NIF3L1: variants seen among roughly 807,000 people sequenced by gnomAD.
NIF3L1 encodes NIF3-like protein 1.
NIF3L1 carries 26 observed loss-of-function variants against 35.0 expected under a neutral mutation model. The ratio of observed to expected loss-of-function variants is 0.74; its 90% CI spans 0.54 to 1.03. The LOEUF (loss-of-function observed/expected upper bound fraction) is 1.03. Among genes scored for constraint, NIF3L1 ranks in the 50% least tolerant of loss-of-function variants. NIF3L1 has a pLI of 0.00. For synonymous variants in NIF3L1, 157 were observed against 178.9 expected (o/e 0.88, Z 0.98); for missense variants, 449 against 466.3 (o/e 0.96, Z 0.34).
intron 6 of NIF3L1, among the ~76,000 whole-genome samples, chr2:200,900,018 C>G (rs1445125409): frequency 6.6e-6 from 1 of 152,186 alleles, no homozygotes; most frequent in East Asian, 1.9e-4. Context: ...GGAGCCTGAA[C>G]ATTGCATCCC....
At position 200,892,029 on chromosome 2, in the gene NIF3L1, A is replaced by C. The variant is rs377403448; in HGVS notation, c.86A>C (p.Asp29Ala). 6.2e-7 allele frequency: 1 copy of C among 1,613,932 alleles called. No individual in the cohort carries two copies. The highest frequency in any genetic ancestry group is 1.3e-5 in the African/African-American group (1 of 74,998). Residue 29 changes from aspartate (D) to alanine (A), a missense_variant, in exon 2 of 7, where the codon GAT (aspartate) becomes GCT (alanine). Coordinates refer to ENST00000409020, the MANE Select transcript of NIF3L1 (RefSeq NM_001369441.2). Reference sequence around the variant, plus strand: ...TGCAATTCTTCCCGTTCCTTCATGGATTTGAAGGCTCTCCTTTCTTCCTTG... The same window carrying C: ...TGCAATTCTTCCCGTTCCTTCATGGCTTTGAAGGCTCTCCTTTCTTCCTTG... The part of the protein sequence containing the change: ...LICNSSRSFM[D>A]LKALLSSLND...
chr2:200,893,732 A>G (rs1162773021), intron 3 of NIF3L1, among the ~76,000 whole-genome samples: 1 of 152,200 alleles, frequency 6.6e-6, no homozygotes, highest in African/African-American at 2.4e-5. Flanking sequence ...ATGTGGTGAT[A>G]AGGCTTTTAT....
At chr2:200,901,336 T>C (rs890868628) in intron 6 of NIF3L1, among the ~76,000 whole-genome samples, 2 of 152,228 alleles carry the variant, frequency 1.3e-5, no homozygotes, top group East Asian at 3.8e-4. Flanking sequence ...ATAGGCTCTT[T>C]GTTTTGTGCT....
chr2:200,893,131 G>A (rs1263037297), intron 2 of NIF3L1, 115 bp from the exon 3 acceptor site: 1 of 730,038 alleles, frequency 1.4e-6, no homozygotes, highest in Non-Finnish European at 2.2e-6. Flanking sequence ...ATGTAAGCAT[G>A]AGAATGAATC....
intron 5 of NIF3L1, chr2:200,899,156 C>T (rs1047201139): frequency 5.8e-6 from 2 of 345,918 alleles, no homozygotes; most frequent in Non-Finnish European, 1.0e-5. Flanking sequence ...AAAAAAAACA[C>T]AACAAAGGAA....
At chr2:200,901,103 G>A (rs562458416) in intron 6 of NIF3L1, among the ~76,000 whole-genome samples, 11 of 152,196 alleles carry the variant, frequency 7.2e-5, no homozygotes, top group Admixed American at 6.5e-4. Context: ...GACATTCTAA[G>A]TCCATGGAAC....
chr2:200,895,539 G>A (rs1330168525), intron 4 of NIF3L1, 149 bp downstream of exon 4: 7 of 769,348 alleles, frequency 9.1e-6, no homozygotes, highest in East Asian at 2.7e-5. Flanking sequence ...TATTTGATGT[G>A]TACAATTTGA....
At chr2:200,899,104 G>A (rs1314861037) in intron 5 of NIF3L1, 1 of 302,512 alleles carries the variant, frequency 3.3e-6, no homozygotes, top group East Asian at 6.3e-5. Flanking sequence ...GCAAATTTGT[G>A]CATTGTTCCG....
At chr2:200,896,309 C>A (rs2040312922) in intron 4 of NIF3L1, among the ~76,000 whole-genome samples, 1 of 152,190 alleles carries the variant, frequency 6.6e-6, no homozygotes, top group African/African-American at 2.4e-5. Flanking sequence ...GATCTGCCCC[C>A]ATAGTGTGTT....
chr2:200,890,242 C>G (rs2040145966), intron 1 of NIF3L1, among the ~76,000 whole-genome samples: 1 of 152,106 alleles, frequency 6.6e-6, no homozygotes, highest in Non-Finnish European at 1.5e-5. Context: ...CCTGTAGTCC[C>G]AGCTGCTCAG....
At chr2:200,899,164 G>T in intron 5 of NIF3L1, 1 of 393,462 alleles carries the variant, frequency 2.5e-6, no homozygotes, top group East Asian at 3.9e-5. Flanking sequence ...CACAACAAAG[G>T]AATAATAACC....
At chr2:200,895,990 T>TC (rs2040303210) in intron 4 of NIF3L1, among the ~76,000 whole-genome samples, 1 of 151,744 alleles carries the variant, frequency 6.6e-6, no homozygotes, top group African/African-American at 2.4e-5. Context: ...TTTTTTTTTT[T>TC]CCATATTTCA....
intron 6 of NIF3L1, among the ~76,000 whole-genome samples, chr2:200,899,695 C>T (rs895707899): frequency 6.6e-6 from 1 of 152,122 alleles, no homozygotes; most frequent in Non-Finnish European, 1.5e-5. Flanking sequence ...ATTTATTTTA[C>T]CTACATTCTT....
intron 3 of NIF3L1, among the ~76,000 whole-genome samples, chr2:200,894,572 T>G (rs949134839): frequency 8.6e-5 from 13 of 151,488 alleles, no homozygotes; most frequent in African/African-American, 3.1e-4. Context: ...GCCCGGCTAA[T>G]TTTTTTTGTA....
intron 6 of NIF3L1, among the ~76,000 whole-genome samples, chr2:200,901,581 C>T (rs935841930): frequency 6.6e-6 from 1 of 152,144 alleles, no homozygotes; most frequent in South Asian, 2.1e-4. Flanking sequence ...TGTGAAGCCC[C>T]ACCTAAAGGA....
chr2:200,899,721 A>T (rs1019867784), intron 6 of NIF3L1, among the ~76,000 whole-genome samples: 12 of 152,110 alleles, frequency 7.9e-5, no homozygotes, highest in African/African-American at 2.9e-4. Flanking sequence ...ACTGTCCCAA[A>T]CCTCTCAGAT....
At chr2:200,892,467 G>T in intron 2 of NIF3L1, 88 bp downstream of exon 2, 1 of 943,134 alleles carries the variant, frequency 1.1e-6, no homozygotes, top group Non-Finnish European at 1.5e-6. Context: ...AACTGCTTTA[G>T]GGTTGGGGAG....
intron 3 of NIF3L1, among the ~76,000 whole-genome samples, chr2:200,894,546 ACC>A (rs1238427506): frequency 6.6e-6 from 1 of 151,252 alleles, no homozygotes; most frequent in Non-Finnish European, 1.5e-5. Flanking sequence ...GACTACAGGC[ACC>A]CGCCCCCCAC....
intron 6 of NIF3L1, among the ~76,000 whole-genome samples, chr2:200,903,142 C>T (rs1437437694): frequency 6.6e-6 from 1 of 152,174 alleles, no homozygotes; most frequent in Non-Finnish European, 1.5e-5. Context: ...GCTGGGATTA[C>T]AGGCACGCAC....
Sources: gnomAD v4.1 joint callset for allele counts (sites outside exome capture counted in the v4.1 genomes callset) on GRCh38, gnomAD v4.1.1 for gene constraint, MANE v1.5 for transcripts, NCBI Gene and HGNC (gene_info 2026-07-23, HGNC 2026-07-21) for gene names.